Variants in ZC3H12B observed in about 807,000 individuals in gnomAD.
ZC3H12B encodes zinc finger CCCH-type containing 12B.
In ZC3H12B, 7 loss-of-function variants were observed where a neutral mutation model predicts 43.9. The ratio of observed to expected loss-of-function variants is 0.16; its 90% CI spans 0.09 to 0.30. The LOEUF is 0.30. Ranked by LOEUF, ZC3H12B falls within the 10% of genes least tolerant of loss-of-function variation. The pLI, the probability that ZC3H12B is intolerant of heterozygous loss-of-function variation, is 1.00. For missense variants in ZC3H12B, 475 were observed against 670.2 expected (o/e 0.71, Z 3.22); for synonymous variants, 222 against 241.7 (o/e 0.92, Z 0.76).
intron 1 of ZC3H12B, among the ~76,000 whole-genome samples, chrX:65,493,552 G>C (rs186818074): frequency 1.7e-4 from 19 of 111,784 alleles, no homozygotes; most frequent in South Asian, 3.7e-4. Flanking sequence ...ATCCATTTCA[G>C]AGGAATTAAG....
upstream of ZC3H12B, among the ~76,000 whole-genome samples, chrX:65,364,525 C>T (rs769339573): frequency 9.4e-6 from 1 of 106,898 alleles, no homozygotes; most frequent in African/African-American, 3.8e-5. Flanking sequence ...AGCTAGTGTT[C>T]CAACTTCTAT....
At chrX:65,231,158 C>T in the ZC3H12B span, among the ~76,000 whole-genome samples, 1 of 110,612 alleles carries the variant, frequency 9.0e-6, no homozygotes, top group African/African-American at 3.3e-5. Flanking sequence ...GATGACAACC[C>T]CGAGCCACAA....
chrX:65,259,094 C>T, the ZC3H12B span, among the ~76,000 whole-genome samples: 2 of 112,031 alleles, frequency 1.8e-5, no homozygotes, highest in Non-Finnish European at 3.8e-5. Context: ...TAAAACGAAG[C>T]TTGATAGTCA....
chrX:65,409,457 A>G (rs947105775), intron 3 of ZC3H12B, among the ~76,000 whole-genome samples: 12 of 110,569 alleles, frequency 1.1e-4, no homozygotes, highest in African/African-American at 3.6e-4. Flanking sequence ...GCAATCAAAC[A>G]AGAAAAAGAA....
At chrX:65,185,849 C>G in the ZC3H12B span, 1 of 111,360 alleles carries the variant, frequency 9.0e-6, no homozygotes, top group Admixed American at 9.6e-5. Flanking sequence ...GAAAGATTTC[C>G]TAAAGCTCAT....
the ZC3H12B span, among the ~76,000 whole-genome samples, chrX:65,279,298 AT>A: frequency 0.099 from 7,785 of 78,842 alleles, 223 homozygotes; most frequent in Non-Finnish European, 0.13. Context: ...CCTTACCAGC[AT>A]TTTTTTTTTT....
chrX:65,100,247 A>G, the ZC3H12B span, among the ~76,000 whole-genome samples: 2 of 110,796 alleles, frequency 1.8e-5, no homozygotes, highest in Non-Finnish European at 3.8e-5. Flanking sequence ...GAAAAGACCA[A>G]ACCTATGATT....
chrX:65,196,090 G>A, the ZC3H12B span, among the ~76,000 whole-genome samples: 5 of 110,536 alleles, frequency 4.5e-5, no homozygotes, highest in East Asian at 2.9e-4. Context: ...CTCATCCGTC[G>A]CTGAATCAAG....
At chrX:65,385,285 G>A (rs943908704) in intron 2 of ZC3H12B, among the ~76,000 whole-genome samples, 1 of 112,027 alleles carries the variant, frequency 8.9e-6, no homozygotes, top group South Asian at 3.7e-4. Context: ...CCATGAGCAT[G>A]GAATGTTCTT....
chrX:65,447,240 C>T (rs2067389953), intron 3 of ZC3H12B, among the ~76,000 whole-genome samples: 1 of 111,662 alleles, frequency 9.0e-6, no homozygotes, highest in South Asian at 3.7e-4. Flanking sequence ...TTTTATCTGA[C>T]TAGATAATGT....
At chrX:65,250,302 T>C in the ZC3H12B span, among the ~76,000 whole-genome samples, 1 of 112,219 alleles carries the variant, frequency 8.9e-6, no homozygotes, top group African/African-American at 3.2e-5. Flanking sequence ...TTCCATTGTG[T>C]ATATGTGCCA....
At chrX:65,096,544 G>C in the ZC3H12B span, among the ~76,000 whole-genome samples, 1 of 111,669 alleles carries the variant, frequency 9.0e-6, no homozygotes, top group African/African-American at 3.3e-5. Flanking sequence ...AATAGACTGG[G>C]TATTGTTGAG....
the ZC3H12B span, among the ~76,000 whole-genome samples, chrX:65,086,046 CTTT>C: frequency 3.2e-5 from 3 of 92,446 alleles, no homozygotes; most frequent in Admixed American, 1.2e-4. Flanking sequence ...CTAATAATGT[CTTT>C]TTTTTTTTTT....
At chrX:65,035,854 A>G in the ZC3H12B span, among the ~76,000 whole-genome samples, 1 of 112,057 alleles carries the variant, frequency 8.9e-6, no homozygotes, top group East Asian at 2.8e-4. Flanking sequence ...TAAAACAAAC[A>G]CACACTCCAT....
At chrX:65,335,904 G>A in the ZC3H12B span, among the ~76,000 whole-genome samples, 1 of 112,121 alleles carries the variant, frequency 8.9e-6, no homozygotes, top group Non-Finnish European at 1.9e-5. Context: ...GAAAAAAGAT[G>A]AGAAGGAAAC....
the ZC3H12B span, among the ~76,000 whole-genome samples, chrX:65,359,485 C>T: frequency 1.8e-5 from 2 of 111,799 alleles, no homozygotes; most frequent in Non-Finnish European, 3.8e-5. Context: ...TCAACATTAA[C>T]AGGAGTTTGG....
chrX:65,226,022 G>A, the ZC3H12B span, among the ~76,000 whole-genome samples: 1 of 111,143 alleles, frequency 9.0e-6, no homozygotes, highest in Non-Finnish European at 1.9e-5. Context: ...GAAATACAGA[G>A]AACGCCACAA....
the ZC3H12B span, among the ~76,000 whole-genome samples, chrX:65,201,452 A>G: frequency 1.8e-5 from 2 of 111,224 alleles, no homozygotes; most frequent in Non-Finnish European, 3.8e-5. Flanking sequence ...ATTCTTTATT[A>G]GTCTAGCTAG....
the ZC3H12B span, among the ~76,000 whole-genome samples, chrX:65,096,266 TG>T: frequency 9.1e-6 from 1 of 109,696 alleles, no homozygotes; most frequent in African/African-American, 3.3e-5. Context: ...TAATGCATGC[TG>T]GGCTTAATAC....
Sources: allele counts gnomAD v4.1 joint callset (sites outside exome capture counted in the v4.1 genomes callset), GRCh38; gene constraint gnomAD v4.1.1; transcripts MANE v1.5; gene names NCBI Gene and HGNC (gene_info 2026-07-23, HGNC 2026-07-21).